The following SLC35F4 variants were observed in gnomAD, a reference collection of about 807,000 sequenced individuals.
SLC35F4 encodes chromosome 14 open reading frame 36.
Under a neutral mutation model 44.2 loss-of-function variants are expected in SLC35F4, and 24 were observed. The ratio of observed to expected loss-of-function variants is 0.54; its 90% CI spans 0.39 to 0.76. The LOEUF (loss-of-function observed/expected upper bound fraction) is 0.76. Ranked by LOEUF, SLC35F4 falls within the 30% of genes least tolerant of loss-of-function variation. The pLI, the probability that SLC35F4 is intolerant of heterozygous loss-of-function variation, is 0.00. For synonymous variants in SLC35F4, 238 were observed against 223.6 expected, an observed-to-expected ratio of 1.06 and a Z score of -0.57; for missense variants, 562 against 586.1, an observed-to-expected ratio of 0.96 and a Z score of 0.42.
At chr14:57,683,880 G>T (rs527917213) in intron 1 of SLC35F4, among the ~76,000 whole-genome samples, 1 of 152,222 alleles carries the variant, frequency 6.6e-6, no homozygotes, top group South Asian at 2.1e-4. Flanking sequence ...TGGGGTGGGA[G>T]CTGAACAGAA....
intron 1 of SLC35F4, among the ~76,000 whole-genome samples, chr14:57,626,983 A>G (rs752661987): frequency 1.3e-5 from 2 of 152,274 alleles, no homozygotes; most frequent in East Asian, 1.9e-4. Context: ...GGGAAGAGAC[A>G]ATGTGGCACT....
At chr14:57,795,042 G>A (rs1368653949) in intron 1 of SLC35F4, among the ~76,000 whole-genome samples, 1 of 152,070 alleles carries the variant, frequency 6.6e-6, no homozygotes. Context: ...TCATCTGTAT[G>A]TTAGAGATAA....
chr14:57,961,814 T>C (rs116761344), intron 1 of SLC35F4, among the ~76,000 whole-genome samples: 1,915 of 152,254 alleles, frequency 0.013, 35 homozygotes, highest in African/African-American at 0.043. Flanking sequence ...GCCTCAGCCC[T>C]CCCTGCCTCA....
At chr14:57,976,492 G>C (rs1293152220), downstream of SLC35F4, among the ~76,000 whole-genome samples, 1 of 152,204 alleles carries the variant, frequency 6.6e-6, no homozygotes, top group Non-Finnish European at 1.5e-5. Flanking sequence ...ACCTAGCCAA[G>C]ATAATAAATC....
intron 1 of SLC35F4, among the ~76,000 whole-genome samples, chr14:57,669,092 A>G (rs1017707816): frequency 6.6e-6 from 1 of 152,058 alleles, no homozygotes; most frequent in African/African-American, 2.4e-5. Flanking sequence ...CTTTGAAGCA[A>G]TTGTGAATGG....
At chr14:57,830,083 A>T (rs1884198064) in intron 1 of SLC35F4, among the ~76,000 whole-genome samples, 1 of 152,262 alleles carries the variant, frequency 6.6e-6, no homozygotes, top group Non-Finnish European at 1.5e-5. Flanking sequence ...TTAACTTTAC[A>T]AAAATATTCC....
At chr14:57,660,550 A>T (rs1221091866) in intron 1 of SLC35F4, among the ~76,000 whole-genome samples, 1 of 148,830 alleles carries the variant, frequency 6.7e-6, no homozygotes, top group African/African-American at 2.4e-5. Context: ...AAGGGCATGA[A>T]CACCAGGACA....
intron 1 of SLC35F4, among the ~76,000 whole-genome samples, chr14:57,656,361 A>G (rs1047075198): frequency 5.6e-5 from 7 of 124,786 alleles, no homozygotes; most frequent in Admixed American, 8.0e-5. Context: ...TCCTTAGAGT[A>G]TATATATATA....
intron 1 of SLC35F4, among the ~76,000 whole-genome samples, chr14:57,795,579 TA>T (rs1171378808): frequency 4.6e-5 from 7 of 152,288 alleles, no homozygotes; most frequent in African/African-American, 1.4e-4. Context: ...TACATTCAGT[TA>T]GAACTATCAG....
chr14:57,968,477 T>C (rs1192848878), intron 1 of SLC35F4, among the ~76,000 whole-genome samples: 4 of 152,190 alleles, frequency 2.6e-5, no homozygotes, highest in Non-Finnish European at 4.4e-5. Flanking sequence ...ATTTAAATGG[T>C]TGTTAATACT....
intron 1 of SLC35F4, among the ~76,000 whole-genome samples, chr14:57,608,386 C>G (rs2071288258): frequency 6.6e-6 from 1 of 152,156 alleles, no homozygotes; most frequent in Admixed American, 6.6e-5. Flanking sequence ...GGCACACACA[C>G]TCATGGGGAG....
chr14:57,593,645 T>G (rs186745230), intron 2 of SLC35F4, among the ~76,000 whole-genome samples: 27 of 152,324 alleles, frequency 1.8e-4, no homozygotes, highest in African/African-American at 5.8e-4. Flanking sequence ...GTTTTGATAT[T>G]TTGAAGATGA....
chr14:57,775,305 C>T (rs2077462757), intron 1 of SLC35F4, among the ~76,000 whole-genome samples: 1 of 152,244 alleles, frequency 6.6e-6, no homozygotes, highest in South Asian at 2.1e-4. Flanking sequence ...CCTCACCACA[C>T]TGCTGCTGCC....
chr14:57,969,119 A>G (rs1039169824), intron 1 of SLC35F4, among the ~76,000 whole-genome samples: 2 of 152,212 alleles, frequency 1.3e-5, no homozygotes, highest in Non-Finnish European at 2.9e-5. Flanking sequence ...TCTTTTCCAA[A>G]TTTACTGGGC....
chr14:57,627,129 T>G (rs2072518603), intron 1 of SLC35F4, among the ~76,000 whole-genome samples: 1 of 152,156 alleles, frequency 6.6e-6, no homozygotes, highest in Non-Finnish European at 1.5e-5. Context: ...TTAAATGGTG[T>G]GTTTACTTTT....
upstream of SLC35F4, among the ~76,000 whole-genome samples, chr14:57,870,793 T>C (rs1888282325): frequency 6.6e-6 from 1 of 152,248 alleles, no homozygotes; most frequent in African/African-American, 2.4e-5. Context: ...ACTTTCACTC[T>C]CCATTCACAC....
At chr14:57,879,263 G>A (rs1888466681) in intron 1 of SLC35F4, among the ~76,000 whole-genome samples, 1 of 151,964 alleles carries the variant, frequency 6.6e-6, no homozygotes, top group Non-Finnish European at 1.5e-5. Flanking sequence ...GCAACAGTAG[G>A]AAGTCAGAAA....
At position 57,581,353 on chromosome 14, in the gene SLC35F4, CATAGA is replaced by C. The variant is rs1473071983; in HGVS notation, c.663_667del (p.Ile221MetfsTer5). ...TAAATAAAGGTAATTAGTCAAAGTC[CATAGA>C]ATAGAAAAGGGAGCAGTTCTTTTAA... On this transcript the variant is annotated frameshift_variant, in exon 4 of 8. Coordinates refer to ENST00000556826, the MANE Select transcript of SLC35F4 (RefSeq NM_001306087.2). LOFTEE classifies it high-confidence loss of function. 6.2e-7 allele frequency: 1 copy of C among 1,613,446 alleles called. No homozygotes were observed. Among genetic ancestry groups the C allele is most frequent in the African/African-American group, 1.3e-5 (1 of 75,032 alleles).
chr14:57,970,439 C>A (rs1348416430), intron 1 of SLC35F4, among the ~76,000 whole-genome samples: 2 of 152,160 alleles, frequency 1.3e-5, no homozygotes, highest in East Asian at 3.8e-4. Flanking sequence ...CCTGTCAGCT[C>A]AGAAAGCCTG....
Sources: gnomAD v4.1 joint callset for allele counts (sites outside exome capture counted in the v4.1 genomes callset) on GRCh38, gnomAD v4.1.1 for gene constraint, MANE v1.5 for transcripts, NCBI Gene and HGNC (gene_info 2026-07-23, HGNC 2026-07-21) for gene names.